The following TIAM2 variants were observed in gnomAD, a reference collection of about 807,000 sequenced individuals.
The protein encoded by TIAM2 is rho guanine nucleotide exchange factor TIAM2.
In TIAM2, 80 loss-of-function variants were observed where a neutral mutation model predicts 152.9. The ratio of observed to expected loss-of-function variants is 0.52; its 90% confidence interval spans 0.44 to 0.63. The LOEUF is 0.63. TIAM2 is among the 30% of genes least tolerant of loss of function. The pLI is 0.00. For synonymous variants in TIAM2, 804 were observed against 838.0 expected (o/e 0.96, Z 0.70); for missense variants, 1,965 against 2,120.1 (o/e 0.93, Z 1.44).
intron 1 of TIAM2, among the ~76,000 whole-genome samples, chr6:155,065,868 A>G (rs1033770387): frequency 6.6e-6 from 1 of 152,200 alleles, no homozygotes; most frequent in South Asian, 2.1e-4. Flanking sequence ...AAATCTGGGC[A>G]GGAGCACTGT....
At chr6:155,118,348 G>A (rs760833053) in intron 2 of TIAM2, among the ~76,000 whole-genome samples, 7 of 151,986 alleles carry the variant, frequency 4.6e-5, no homozygotes, top group Non-Finnish European at 1.0e-4. Context: ...ATGGAGCACC[G>A]TGTCTTTGAA....
intron 1 of TIAM2, among the ~76,000 whole-genome samples, chr6:155,086,237 G>A (rs1583182460): frequency 1.3e-5 from 2 of 152,316 alleles, no homozygotes; most frequent in East Asian, 3.9e-4. Flanking sequence ...CAGAGCTGTT[G>A]TAGCTGTTTG....
chr6:155,054,447 G>A (rs1335698013), intron 1 of TIAM2, among the ~76,000 whole-genome samples: 3 of 152,168 alleles, frequency 2.0e-5, no homozygotes, highest in African/African-American at 7.2e-5. Context: ...TAGAAATTAG[G>A]TGAGGGGGAA....
At chr6:155,115,254 A>T (rs1472377633) in intron 2 of TIAM2, among the ~76,000 whole-genome samples, 2 of 151,696 alleles carry the variant, frequency 1.3e-5, no homozygotes, top group African/African-American at 4.8e-5. Flanking sequence ...AAGAGACAAC[A>T]TCTTACTGTA....
chr6:155,109,590 C>T (rs1457611843), intron 2 of TIAM2, among the ~76,000 whole-genome samples: 2 of 152,120 alleles, frequency 1.3e-5, no homozygotes, highest in Non-Finnish European at 1.5e-5. Context: ...AACAGGCTTA[C>T]AAATATCAGG....
At chr6:155,001,751 G>A (rs1778315396) in intron 1 of TIAM2, among the ~76,000 whole-genome samples, 1 of 152,188 alleles carries the variant, frequency 6.6e-6, no homozygotes, top group South Asian at 2.1e-4. Flanking sequence ...TTCATGGTTA[G>A]GTTTCTGAAT....
chr6:155,120,508 T>C (rs1779126635), intron 2 of TIAM2, among the ~76,000 whole-genome samples: 1 of 152,226 alleles, frequency 6.6e-6, no homozygotes, highest in African/African-American at 2.4e-5. Flanking sequence ...GCATTCTGAG[T>C]GTAGTTCATT....
At chr6:155,152,186 C>T (rs1009896075) in intron 7 of TIAM2, among the ~76,000 whole-genome samples, 46 of 152,146 alleles carry the variant, frequency 3.0e-4, no homozygotes, top group African/African-American at 1.1e-3. Flanking sequence ...CACCCCTGAG[C>T]GGAACTGTTG....
chr6:155,191,688 G>A lies in TIAM2; in HGVS notation c.3064+8188G>A, dbSNP rs188262009. On this transcript the variant is annotated intron_variant, in intron 14 of 26. Coordinates refer to ENST00000682666, the MANE Select transcript of TIAM2 (RefSeq NM_012454.4). ...ACACCTGTAGTTCAAGCTATCACTC[G>A]GGAGGCTGAGGCAGGAGAATCGCTT... 5.7e-3 allele frequency among the ~76,000 whole-genome samples: 862 copies of A among 152,180 alleles called. 4 individuals are homozygous for A. The highest frequency in any genetic ancestry group is 7.9e-3 in the Non-Finnish European group (534 of 68,008).
At chr6:155,061,834 T>A (rs925934970) in intron 1 of TIAM2, among the ~76,000 whole-genome samples, 2 of 152,180 alleles carry the variant, frequency 1.3e-5, no homozygotes, top group Non-Finnish European at 2.9e-5. Context: ...TTTAAAAAAA[T>A]TTGTATGACA....
At chr6:155,111,579 A>G (rs950878161) in intron 2 of TIAM2, among the ~76,000 whole-genome samples, 3 of 152,148 alleles carry the variant, frequency 2.0e-5, no homozygotes, top group African/African-American at 7.2e-5. Context: ...TACTGCATGT[A>G]TGTGATGTTG....
At chr6:155,002,217 T>C (rs1778325510) in intron 1 of TIAM2, among the ~76,000 whole-genome samples, 1 of 152,144 alleles carries the variant, frequency 6.6e-6, no homozygotes, top group South Asian at 2.1e-4. Flanking sequence ...GAGACCAGCC[T>C]AGGCAACATA....
In TIAM2 at chr6:155,174,533, G is replaced by C. The variant is rs1185468753; in HGVS notation, c.2362-2283G>C. ...CTACAGACGCGTGCCACCATGCCCG[G>C]ATAATTTTTATTTTTAGTAGAGATA... On this transcript the variant is annotated intron_variant, in intron 9 of 26. Transcript: ENST00000682666. This position sits in a 1 kb window ranked among gnomAD's most constrained non-coding sequence, Gnocchi z 4.2. 6.6e-6 allele frequency among the ~76,000 whole-genome samples: 1 copy of C among 152,160 alleles called. No homozygotes were observed. The highest frequency in any genetic ancestry group is 2.1e-4 in the South Asian group (1 of 4,826).
chr6:155,181,552 G>A (rs1780903884), intron 12 of TIAM2, among the ~76,000 whole-genome samples: 1 of 152,062 alleles, frequency 6.6e-6, no homozygotes. Context: ...ACAATGTTGT[G>A]CTACCATCAT....
intron 9 of TIAM2, among the ~76,000 whole-genome samples, chr6:155,170,816 C>G (rs1471259896): frequency 6.6e-6 from 1 of 152,146 alleles, no homozygotes; most frequent in African/African-American, 2.4e-5. Context: ...TTTGTTTTAG[C>G]TAAGCATTAC....
At chr6:155,099,220 A>ATGTG (rs34269926) in intron 2 of TIAM2, among the ~76,000 whole-genome samples, 4 of 148,298 alleles carry the variant, frequency 2.7e-5, no homozygotes, top group Middle Eastern at 3.4e-3. Flanking sequence ...GTATATATAT[A>ATGTG]TGTGTGTGTG....
chr6:154,996,612 C>T (rs191666343), intron 1 of TIAM2, among the ~76,000 whole-genome samples: 2 of 152,144 alleles, frequency 1.3e-5, no homozygotes, highest in Non-Finnish European at 2.9e-5. Flanking sequence ...AAAATCTTAC[C>T]AAGTTTCGTA....
At chr6:155,063,038 A>G (rs1777621086) in intron 1 of TIAM2, among the ~76,000 whole-genome samples, 1 of 152,184 alleles carries the variant, frequency 6.6e-6, no homozygotes, top group Non-Finnish European at 1.5e-5. Context: ...GAGGTTTAAC[A>G]ACTATTCTTT....
chr6:155,113,516 T>G (rs1338976604), intron 2 of TIAM2, among the ~76,000 whole-genome samples: 1 of 151,816 alleles, frequency 6.6e-6, no homozygotes, highest in Non-Finnish European at 1.5e-5. Flanking sequence ...AGGTCAGGAG[T>G]TCGAGACCAG....
Sources: gnomAD v4.1 joint callset for allele counts (sites outside exome capture counted in the v4.1 genomes callset) on GRCh38, gnomAD v4.1.1 for gene constraint, Gnocchi (gnomAD v3.1) non-coding constraint, MANE v1.5 for transcripts, NCBI Gene and HGNC (gene_info 2026-07-23, HGNC 2026-07-21) for gene names.